The following PARD3B variants were observed in gnomAD, a reference collection of about 807,000 sequenced individuals.
PARD3B encodes par-3 family cell polarity regulator beta.
In PARD3B, 103 loss-of-function variants were observed where a neutral mutation model predicts 130.2. The ratio of observed to expected loss-of-function variants is 0.79; its 90% CI spans 0.67 to 0.93. PARD3B has a LOEUF of 0.93. Ranked by LOEUF, PARD3B falls within the 40% of genes least tolerant of loss-of-function variation. The pLI, the probability that PARD3B is intolerant of heterozygous loss-of-function variation, is 0.00. For missense variants in PARD3B, 1,609 were observed against 1,499.2 expected, an observed-to-expected ratio of 1.07 and a Z score of -1.21; for synonymous variants, 583 against 553.2, an observed-to-expected ratio of 1.05 and a Z score of -0.76.
At position 204,906,137 on chromosome 2, in the gene PARD3B, T is replaced by C; in HGVS notation, c.223-59015T>C. Reference sequence around the variant, plus strand: ...GATTGATGTAGTGCCAACTCTTATTTCTCATCTGGACTGGGTAGCTGGTTA... The same window carrying C: ...GATTGATGTAGTGCCAACTCTTATTCCTCATCTGGACTGGGTAGCTGGTTA... On this transcript the variant is annotated intron_variant, in intron 2 of 22. Coordinates refer to ENST00000406610, the MANE Select transcript of PARD3B (RefSeq NM_001302769.2). The surrounding 1 kb of genome is among the most constrained non-coding windows in gnomAD (Gnocchi z 4.3). Among the ~76,000 whole-genome samples the C allele has an allele frequency of 6.6e-6, 1 of 152,218 alleles. No homozygotes were observed. Among genetic ancestry groups the C allele is most frequent in the East Asian group, 1.9e-4 (1 of 5,190 alleles).
intron 2 of PARD3B, among the ~76,000 whole-genome samples, chr2:204,735,321 C>T (rs577048512): frequency 4.7e-5 from 7 of 148,538 alleles, no homozygotes; most frequent in African/African-American, 7.5e-5. Flanking sequence ...CCTGATATCA[C>T]GTGTTTGTTA....
At chr2:205,604,759 T>C (rs1006771629) in intron 22 of PARD3B, among the ~76,000 whole-genome samples, 1 of 152,160 alleles carries the variant, frequency 6.6e-6, no homozygotes, top group African/African-American at 2.4e-5. Context: ...TCCTGTCTTG[T>C]TAGGTTGGGG....
intron 13 of PARD3B, among the ~76,000 whole-genome samples, chr2:205,181,601 T>C (rs1276071613): frequency 6.6e-6 from 1 of 152,244 alleles, no homozygotes; most frequent in African/African-American, 2.4e-5. Flanking sequence ...AAACTTTATT[T>C]GCAAAGGCAG....
At chr2:205,245,850 T>C in intron 16 of PARD3B, 28 bp downstream of exon 16, 1 of 1,545,274 alleles carries the variant, frequency 6.5e-7, no homozygotes, top group African/African-American at 1.4e-5. Flanking sequence ...ACTGACTATA[T>C]TCCTCTTCCT....
intron 1 of PARD3B, among the ~76,000 whole-genome samples, chr2:204,589,893 G>A (rs534664107): frequency 2.2e-4 from 34 of 152,322 alleles, no homozygotes; most frequent in African/African-American, 7.2e-4. Context: ...ACCAGGCCCA[G>A]TGAGCAGATG....
chr2:205,285,748 C>A (rs2041371072), intron 16 of PARD3B, among the ~76,000 whole-genome samples: 1 of 152,172 alleles, frequency 6.6e-6, no homozygotes, highest in African/African-American at 2.4e-5. Context: ...CCTCTGACTT[C>A]TGCCACTCCC....
At chr2:205,427,946 T>C (rs2047199957) in intron 19 of PARD3B, among the ~76,000 whole-genome samples, 1 of 152,224 alleles carries the variant, frequency 6.6e-6, no homozygotes, top group Non-Finnish European at 1.5e-5. Flanking sequence ...ATTGCTGTGA[T>C]CTGAATGTTT....
chr2:204,758,774 G>T (rs6712095), intron 2 of PARD3B, among the ~76,000 whole-genome samples: 10,929 of 152,186 alleles, frequency 0.072, 705 homozygotes, highest in African/African-American at 0.18. Context: ...AGGATCAAGC[G>T]TGGCATTCTT....
intron 3 of PARD3B, among the ~76,000 whole-genome samples, chr2:205,033,204 A>G (rs185911114): frequency 9.2e-5 from 14 of 152,248 alleles, no homozygotes; most frequent in Admixed American, 9.2e-4. Context: ...CCAAGTCCAC[A>G]CCCTCTTCAC....
intron 22 of PARD3B, among the ~76,000 whole-genome samples, chr2:205,598,080 GC>G (rs1575452058): frequency 6.6e-6 from 1 of 151,982 alleles, no homozygotes; most frequent in East Asian, 1.9e-4. Context: ...ATTAGCTAAC[GC>G]CACAATGACA....
At chr2:205,518,282 T>C (rs563594202) in intron 21 of PARD3B, among the ~76,000 whole-genome samples, 6 of 152,288 alleles carry the variant, frequency 3.9e-5, no homozygotes, top group South Asian at 2.1e-4. Context: ...TTTATATATA[T>C]TTAGGATAGT....
At chr2:205,384,510 A>G (rs139695677) in intron 18 of PARD3B, among the ~76,000 whole-genome samples, 29 of 152,202 alleles carry the variant, frequency 1.9e-4, no homozygotes, top group African/African-American at 7.0e-4. Flanking sequence ...TGATTCAATG[A>G]TGGACTTATG....
At position 204,657,498 on chromosome 2, in the gene PARD3B, C is replaced by T. The variant is rs938672265; in HGVS notation, c.121-28683C>T. Among the ~76,000 whole-genome samples the T allele has an allele frequency of 2.6e-5, 4 of 152,066 alleles. 1 individual carries two copies. The East Asian group carries it at 5.8e-4, about 22-fold the overall frequency. On this transcript the variant is annotated intron_variant, in intron 1 of 22. Transcript: ENST00000406610. ...TCCAGCATGGATGACAGAGGTGAGA[C>T]CCTGTCTAAAAAAAAAATTTTTTTT...
intron 2 of PARD3B, among the ~76,000 whole-genome samples, chr2:204,946,069 A>G (rs942564380): frequency 6.6e-6 from 1 of 152,200 alleles, no homozygotes; most frequent in Non-Finnish European, 1.5e-5. Flanking sequence ...GCAAATATAG[A>G]ATGCATCTTT....
intron 1 of PARD3B, among the ~76,000 whole-genome samples, chr2:204,588,500 T>A (rs1424585801): frequency 3.9e-5 from 6 of 152,338 alleles, no homozygotes; most frequent in South Asian, 4.1e-4. Flanking sequence ...TATGCAAATA[T>A]TTCCATTGGG....
At chr2:205,420,516 G>C (rs1434046865) in intron 19 of PARD3B, among the ~76,000 whole-genome samples, 1 of 152,138 alleles carries the variant, frequency 6.6e-6, no homozygotes, top group Non-Finnish European at 1.5e-5. Flanking sequence ...TGAAATAGCA[G>C]AGTGTTCACA....
intron 10 of PARD3B, among the ~76,000 whole-genome samples, chr2:205,157,931 C>G (rs1461610369): frequency 6.6e-6 from 1 of 152,178 alleles, no homozygotes; most frequent in Non-Finnish European, 1.5e-5. Flanking sequence ...CCCTGGAGAC[C>G]TGAACCCTAA....
intron 2 of PARD3B, among the ~76,000 whole-genome samples, chr2:204,749,571 T>G (rs1269255889): frequency 6.6e-6 from 1 of 152,182 alleles, no homozygotes; most frequent in Non-Finnish European, 1.5e-5. Flanking sequence ...TTTATCTTTT[T>G]TTATTCTAAA....
chr2:205,048,929 G>A (rs1021745590), intron 4 of PARD3B, among the ~76,000 whole-genome samples: 8 of 152,198 alleles, frequency 5.3e-5, no homozygotes, highest in African/African-American at 9.6e-5. Flanking sequence ...TTTAATGTAC[G>A]TACAAACAAA....
Sources: allele counts gnomAD v4.1 joint callset (sites outside exome capture counted in the v4.1 genomes callset), GRCh38; gene constraint gnomAD v4.1.1; non-coding constraint Gnocchi (gnomAD v3.1); transcripts MANE v1.5; gene names NCBI Gene and HGNC (gene_info 2026-07-23, HGNC 2026-07-21).